The following SLC9C1 variants were observed in gnomAD, a reference collection of about 807,000 sequenced individuals.
SLC9C1 encodes the protein solute carrier family 9 member C1, also known as sodium/hydrogen exchanger 10.
Under a neutral mutation model 140.9 loss-of-function variants are expected in SLC9C1, and 97 were observed. The observed-to-expected ratio is 0.69, with a 90% CI of 0.58 to 0.82. The LOEUF (loss-of-function observed/expected upper bound fraction) is 0.82. SLC9C1 is among the 40% of genes least tolerant of loss of function. The pLI is 0.00. For synonymous variants in SLC9C1, 440 were observed against 442.6 expected (o/e 0.99, Z 0.07); for missense variants, 1,340 against 1,389.3 (o/e 0.96, Z 0.56).
intron 28 of SLC9C1, chr3:112,151,635 C>A: frequency 1.9e-6 from 1 of 532,434 alleles, no homozygotes; most frequent in Non-Finnish European, 3.4e-6. Flanking sequence ...GAGAGGAAAC[C>A]AGAATATTAT....
intron 1 of SLC9C1, among the ~76,000 whole-genome samples, chr3:112,291,962 T>C (rs1323791140): frequency 6.6e-6 from 1 of 152,228 alleles, no homozygotes; most frequent in Non-Finnish European, 1.5e-5. Flanking sequence ...ATCATGTCCT[T>C]TGTAGGAACA....
At chr3:112,153,604 T>C (rs890018670) in intron 27 of SLC9C1, among the ~76,000 whole-genome samples, 1 of 152,194 alleles carries the variant, frequency 6.6e-6, no homozygotes, top group Non-Finnish European at 1.5e-5. Context: ...CCAAGAATAA[T>C]GGAAACTGTG....
intron 28 of SLC9C1, among the ~76,000 whole-genome samples, chr3:112,145,581 G>T (rs1021565388): frequency 2.6e-5 from 3 of 117,564 alleles, no homozygotes; most frequent in African/African-American, 3.4e-5. Context: ...GAATCCACCT[G>T]CCCTTGGCTT....
chr3:112,207,299 T>G (rs2078081101), intron 16 of SLC9C1, among the ~76,000 whole-genome samples: 1 of 152,158 alleles, frequency 6.6e-6, no homozygotes, highest in African/African-American at 2.4e-5. Context: ...AAGACAAATT[T>G]CTTTTCAATA....
chr3:112,234,892 G>C (rs1487490055), intron 12 of SLC9C1, among the ~76,000 whole-genome samples: 2 of 152,034 alleles, frequency 1.3e-5, no homozygotes, highest in African/African-American at 4.8e-5. Context: ...TTGTAGTATA[G>C]GTTGAAGTCA....
chr3:112,219,337 A>G (rs550896888), intron 14 of SLC9C1, among the ~76,000 whole-genome samples: 7 of 151,964 alleles, frequency 4.6e-5, no homozygotes, highest in Admixed American at 1.3e-4. Context: ...ACATCAATAG[A>G]AAGTTCTCCA....
chr3:112,209,950 C>T (rs1205059296), intron 15 of SLC9C1, among the ~76,000 whole-genome samples: 1 of 152,128 alleles, frequency 6.6e-6, no homozygotes, highest in African/African-American at 2.4e-5. Flanking sequence ...AAAATCTTGA[C>T]CTTTTTCTCT....
At chr3:112,168,014 T>A (rs2077172101) in intron 25 of SLC9C1, among the ~76,000 whole-genome samples, 1 of 152,202 alleles carries the variant, frequency 6.6e-6, no homozygotes, top group African/African-American at 2.4e-5. Flanking sequence ...TTTCTCACCT[T>A]GGGATCCCTC....
intron 2 of SLC9C1, 104 bp from the exon 3 acceptor site, chr3:112,280,887 C>T (rs200279331): frequency 3.4e-6 from 2 of 584,414 alleles, no homozygotes; most frequent in Admixed American, 4.8e-5. Context: ...TACAGTTTCA[C>T]TACTTTTCAT....
chr3:112,218,404 T>C (rs966189764), intron 14 of SLC9C1, among the ~76,000 whole-genome samples: 16 of 150,828 alleles, frequency 1.1e-4, no homozygotes, highest in African/African-American at 3.7e-4. Flanking sequence ...CCTTGCCCTT[T>C]CTATGAATTA....
At chr3:112,284,061 AG>A (rs2080435224) in intron 2 of SLC9C1, among the ~76,000 whole-genome samples, 1 of 152,256 alleles carries the variant, frequency 6.6e-6, no homozygotes, top group Admixed American at 6.5e-5. Flanking sequence ...AGCAAGGGAC[AG>A]GGCAGCAAAG....
rs2080256007 is a variant in SLC9C1 at position 112,277,795 on chromosome 3, A to T, written c.384T>A (p.Ser128=). ...NYILVLWHLA[S]VNQLLLKPTQ... ...TAGGCTTCAAAAGTAATTGATTTAC[A>T]GATGCCAGATGCCAAAGAACTAAGA... is the stretch of plus-strand genomic sequence containing the variant. The change falls in exon 5 of 29, where the codon TCT becomes TCA. Residue 128 remains serine (S), a synonymous_variant. Coordinates refer to ENST00000305815, the MANE Select transcript of SLC9C1 (RefSeq NM_183061.3). 7 of 1,612,592 alleles carry T rather than the reference A, an allele frequency of 4.3e-6. No individual in the cohort carries two copies. In the East Asian group the frequency reaches 1.6e-4, roughly 36 times the overall value.
At chr3:112,188,755 A>T (rs2077589071) in intron 20 of SLC9C1, among the ~76,000 whole-genome samples, 2 of 152,188 alleles carry the variant, frequency 1.3e-5, no homozygotes, top group African/African-American at 4.8e-5. Context: ...ATACCCAGTA[A>T]TGGGATGGCT....
intron 20 of SLC9C1, among the ~76,000 whole-genome samples, chr3:112,188,570 C>CT (rs1340485144): frequency 6.6e-6 from 1 of 151,920 alleles, no homozygotes; most frequent in Non-Finnish European, 1.5e-5. Context: ...TGAACTCATC[C>CT]TTTTTTATGG....
chr3:112,202,152 G>T, intron 18 of SLC9C1, 98 bp downstream of exon 18: 1 of 1,294,228 alleles, frequency 7.7e-7, no homozygotes. Flanking sequence ...AGAAAACCAG[G>T]AGTCAAAGAC....
chr3:112,203,825 A>T (rs1205944299), intron 17 of SLC9C1, among the ~76,000 whole-genome samples: 1 of 151,938 alleles, frequency 6.6e-6, no homozygotes, highest in Non-Finnish European at 1.5e-5. Context: ...ATTTGTATAA[A>T]TGTAGGATAT....
intron 26 of SLC9C1, among the ~76,000 whole-genome samples, chr3:112,165,534 A>G (rs2077109276): frequency 1.3e-5 from 2 of 152,092 alleles, no homozygotes. Context: ...CTGGAGGTCC[A>G]CTCCAGACCC....
chr3:112,249,653 T>C (rs930408455), intron 10 of SLC9C1, among the ~76,000 whole-genome samples: 2 of 152,170 alleles, frequency 1.3e-5, no homozygotes, highest in Non-Finnish European at 2.9e-5. Context: ...TTCAATTTAT[T>C]CCTGGTTTAA....
intron 6 of SLC9C1, among the ~76,000 whole-genome samples, chr3:112,273,930 A>G (rs1334579810): frequency 2.0e-5 from 3 of 152,180 alleles, no homozygotes; most frequent in South Asian, 2.1e-4. Context: ...AGACAATGCT[A>G]CATAAGACCT....
Sources: allele counts gnomAD v4.1 joint callset (sites outside exome capture counted in the v4.1 genomes callset), GRCh38; gene constraint gnomAD v4.1.1; transcripts MANE v1.5; gene names NCBI Gene and HGNC (gene_info 2026-07-23, HGNC 2026-07-21).